PRELID2: variants seen among roughly 807,000 people sequenced by gnomAD.
PRELID2 encodes the protein PRELI domain containing 2.
PRELID2 carries 25 observed loss-of-function variants against 28.4 expected under a neutral mutation model. That is an observed-to-expected ratio of 0.88 (90% CI 0.64 to 1.23). The LOEUF is 1.23. Among genes scored for constraint, PRELID2 ranks in the 50% most tolerant of loss-of-function variants. The pLI is 0.00. For missense variants in PRELID2, 201 were observed against 214.4 expected (o/e 0.94, Z 0.39); for synonymous variants, 76 against 71.6 (o/e 1.06, Z -0.31).
At chr5:145,699,913 G>T (rs1469443336) in intron 1 of PRELID2, among the ~76,000 whole-genome samples, 2 of 152,132 alleles carry the variant, frequency 1.3e-5, no homozygotes, top group East Asian at 3.8e-4. Flanking sequence ...TCCCAAAGGG[G>T]TCACTAACTT....
chr5:145,725,795 A>C (rs1756129051), intron 1 of PRELID2, among the ~76,000 whole-genome samples: 1 of 152,140 alleles, frequency 6.6e-6, no homozygotes, highest in Non-Finnish European at 1.5e-5. Context: ...CAACAGGCTG[A>C]CTCCAAGATC....
chr5:145,363,370 G>C, the PRELID2 span, among the ~76,000 whole-genome samples: 1 of 152,032 alleles, frequency 6.6e-6, no homozygotes, highest in African/African-American at 2.4e-5. Context: ...TATTGTGACA[G>C]CCTCTTTATA....
chr5:145,822,344 T>C (rs6878729), intron 2 of PRELID2, among the ~76,000 whole-genome samples: 3,698 of 152,242 alleles, frequency 0.024, 157 homozygotes, highest in African/African-American at 0.084. Flanking sequence ...AAGAATCAGG[T>C]GCTAAATAAT....
the PRELID2 span, among the ~76,000 whole-genome samples, chr5:145,347,997 A>T: frequency 6.6e-6 from 1 of 152,106 alleles, no homozygotes; most frequent in Non-Finnish European, 1.5e-5. Context: ...TAGCAGAAAA[A>T]AAAGAACCTG....
rs1753095668 is a variant in PRELID2 at position 145,580,192 on chromosome 5, A to T, written n.71-106877T>A. Among the ~76,000 whole-genome samples, 8 of 152,096 alleles carry T rather than the reference A, an allele frequency of 5.3e-5. No homozygotes were observed. In the South Asian group the frequency reaches 1.4e-3, roughly 28 times the overall value. ...ACTAATATAGGTGGCAAGGCCATACATTCTTGGATAATGTCACAATGGGCT... is the reference window on the plus strand; with the variant it reads ...ACTAATATAGGTGGCAAGGCCATACTTTCTTGGATAATGTCACAATGGGCT... On this transcript the variant is annotated intron_variant and non_coding_transcript_variant, in intron 1 of 2. Transcript: ENST00000510259.
At chr5:145,297,967 A>C in the PRELID2 span, among the ~76,000 whole-genome samples, 1 of 152,202 alleles carries the variant, frequency 6.6e-6, no homozygotes, top group African/African-American at 2.4e-5. Context: ...AGGAAATAAA[A>C]GAGGATACAA....
the PRELID2 span, among the ~76,000 whole-genome samples, chr5:145,456,374 G>A: frequency 1.6e-4 from 25 of 152,050 alleles, no homozygotes; most frequent in African/African-American, 5.8e-4. Flanking sequence ...GCTCTTTATC[G>A]TTATCTTTTA....
chr5:145,232,984 C>CGT, the PRELID2 span, among the ~76,000 whole-genome samples: 4 of 144,902 alleles, frequency 2.8e-5, no homozygotes, highest in African/African-American at 4.9e-5. Flanking sequence ...TATATATATA[C>CGT]GTGTGTGTGT....
At chr5:145,722,261 G>A (rs534763633) in intron 1 of PRELID2, among the ~76,000 whole-genome samples, 65 of 152,184 alleles carry the variant, frequency 4.3e-4, no homozygotes, top group African/African-American at 1.5e-3. Flanking sequence ...AATAAAATAA[G>A]GAATATGATA....
intron 4 of PRELID2, among the ~76,000 whole-genome samples, chr5:145,797,203 A>AAGAAG (rs1752821346): frequency 6.6e-6 from 1 of 152,182 alleles, no homozygotes; most frequent in Non-Finnish European, 1.5e-5. Context: ...CTGAATAGGA[A>AAGAAG]GTCCCAAGCC....
chr5:145,390,049 A>C, the PRELID2 span, among the ~76,000 whole-genome samples: 2 of 152,234 alleles, frequency 1.3e-5, no homozygotes, highest in Non-Finnish European at 2.9e-5. Flanking sequence ...CAGTTTGATT[A>C]GGAAGATAGC....
chr5:145,265,994 C>A, the PRELID2 span, among the ~76,000 whole-genome samples: 12 of 152,020 alleles, frequency 7.9e-5, no homozygotes, highest in African/African-American at 2.4e-4. Flanking sequence ...AGCTTCTGCA[C>A]AACAAAAGAA....
At chr5:145,720,934 T>G (rs1755971541) in intron 1 of PRELID2, among the ~76,000 whole-genome samples, 1 of 152,110 alleles carries the variant, frequency 6.6e-6, no homozygotes, top group Non-Finnish European at 1.5e-5. Context: ...TTTGTTTATG[T>G]GAGTTATATC....
intron 1 of PRELID2, among the ~76,000 whole-genome samples, chr5:145,733,145 C>T (rs1756395734): frequency 6.6e-6 from 1 of 151,830 alleles, no homozygotes; most frequent in Non-Finnish European, 1.5e-5. Flanking sequence ...GTCCCAGCTA[C>T]TCGCTACTCG....
At chr5:145,611,965 G>A (rs1753623395) in intron 1 of PRELID2, among the ~76,000 whole-genome samples, 1 of 152,118 alleles carries the variant, frequency 6.6e-6, no homozygotes, top group South Asian at 2.1e-4. Context: ...TAGACCAATG[G>A]AACAACTCAG....
chr5:145,651,052 C>T (rs1754287813), intron 1 of PRELID2, among the ~76,000 whole-genome samples: 1 of 152,190 alleles, frequency 6.6e-6, no homozygotes, highest in Non-Finnish European at 1.5e-5. Context: ...TCGGGTCACT[C>T]TCACCCTAAT....
At chr5:145,310,025 T>C in the PRELID2 span, among the ~76,000 whole-genome samples, 1 of 152,236 alleles carries the variant, frequency 6.6e-6, no homozygotes, top group Non-Finnish European at 1.5e-5. Context: ...TTTGAAATCA[T>C]AGACTATTTA....
At chr5:145,292,160 T>G in the PRELID2 span, among the ~76,000 whole-genome samples, 1 of 152,122 alleles carries the variant, frequency 6.6e-6, no homozygotes, top group Non-Finnish European at 1.5e-5. Context: ...TTCATAATCA[T>G]TTTCTTATTT....
intron 1 of PRELID2, among the ~76,000 whole-genome samples, chr5:145,733,655 C>T (rs1052826061): frequency 6.6e-6 from 1 of 152,210 alleles, no homozygotes; most frequent in Non-Finnish European, 1.5e-5. Flanking sequence ...AGCCAGCCCA[C>T]ATCTAACTCA....
Sources: gnomAD v4.1 joint callset for allele counts (sites outside exome capture counted in the v4.1 genomes callset) on GRCh38, gnomAD v4.1.1 for gene constraint, MANE v1.5 for transcripts, NCBI Gene and HGNC (gene_info 2026-07-23, HGNC 2026-07-21) for gene names.